Variants in TDRD15 observed in about 807,000 individuals in gnomAD.
TDRD15 encodes the protein tudor domain containing 15.
For synonymous variants in TDRD15, 503 were observed against 314.5 expected, an observed-to-expected ratio of 1.60 and a Z score of -6.34; for missense variants, 1,416 against 904.7, an observed-to-expected ratio of 1.57 and a Z score of -7.25.
chr2:21,130,532 C>T (rs939635933), intron 2 of TDRD15, among the ~76,000 whole-genome samples: 4 of 152,146 alleles, frequency 2.6e-5, no homozygotes, highest in African/African-American at 4.8e-5. Context: ...AATCTGAAGT[C>T]GAACCATCGT....
At chr2:21,134,401 A>T (rs1053120430) in intron 2 of TDRD15, among the ~76,000 whole-genome samples, 3 of 151,948 alleles carry the variant, frequency 2.0e-5, no homozygotes, top group Non-Finnish European at 2.9e-5. Context: ...TTGATTATTT[A>T]AGTTGTGGCT....
At chr2:21,124,407 G>C (rs1033837330) in intron 1 of TDRD15, among the ~76,000 whole-genome samples, 4 of 151,670 alleles carry the variant, frequency 2.6e-5, no homozygotes, top group Non-Finnish European at 4.4e-5. Context: ...CCTAATGCCA[G>C]GGTGTGTGAG....
At chr2:21,124,877 G>GAC in intron 1 of TDRD15, among the ~76,000 whole-genome samples, 1 of 150,516 alleles carries the variant, frequency 6.6e-6, no homozygotes, top group South Asian at 2.1e-4. Flanking sequence ...GTGTGTATGT[G>GAC]AGAAACCCTA....
rs1019475765 is a variant in TDRD15 at position 21,142,391 on chromosome 2, T to C, written c.4924T>C (p.Trp1642Arg). ...TCCTAGACAAGCTGTACCTTGTAAA[T>C]GGATTTGGTTTGAAAATTCTAAGAA... is the stretch of plus-strand genomic sequence containing the variant. ...NIPRQAVPCK[W>R]IWFENSKNIS... The change falls in exon 4 of 4, where the codon TGG becomes CGG. Residue 1642 changes from tryptophan to arginine, a missense_variant. Coordinates refer to ENST00000405799, the MANE Select transcript of TDRD15 (RefSeq NM_001306137.2). The C allele has an allele frequency of 1.4e-6, 1 of 704,836 alleles. No homozygotes were observed. Among genetic ancestry groups the C allele is most frequent in the African/African-American group, 1.8e-5 (1 of 56,500 alleles). The allele number at this position is 704,836 out of a possible 1,614,324, so 43.7% of individuals were successfully genotyped here.
Position 21,141,276 on chromosome 2 carries a change from C to T in TDRD15, c.3809C>T (p.Thr1270Ile), listed in dbSNP as rs1268825218. Residue 1270 changes from threonine to isoleucine, a missense_variant, in exon 4 of 4, where the codon ACA becomes ATA. Coordinates refer to ENST00000405799, the MANE Select transcript of TDRD15 (RefSeq NM_001306137.2). ...SQSFIRALNQ[T>I]TSQNPYDLIR... is the part of the protein sequence containing the mutation. ...TCTTTTATCAGAGCATTAAATCAAA[C>T]AACCTCACAAAACCCATATGACCTT... 1 of 711,528 alleles carries T rather than the reference C, an allele frequency of 1.4e-6. No individual in the cohort carries two copies. The highest frequency in any genetic ancestry group is 2.6e-6 in the Non-Finnish European group (1 of 382,880). The allele number at this position is 711,528 out of a possible 1,614,324, so 44.1% of individuals were successfully genotyped here. A position where few individuals can be genotyped will look rare whatever the true frequency, so the allele number is the denominator to read the frequency against.
chr2:21,141,588 A>G lies in TDRD15; in HGVS notation c.4121A>G (p.Glu1374Gly). 1.4e-6 allele frequency: 1 copy of G among 713,914 alleles called. No individual in the cohort carries two copies. The highest frequency in any genetic ancestry group is 2.6e-6 in the Non-Finnish European group (1 of 383,242). 44.2% of individuals were successfully genotyped at this position (713,914 alleles called of 1,614,324 possible). The change falls in exon 4 of 4, where the codon GAA becomes GGA. Residue 1374 changes from glutamate (E) to glycine (G), a missense_variant. Glu to Gly is a moderately conservative substitution (Grantham distance 98). Coordinates refer to ENST00000405799, the MANE Select transcript of TDRD15 (RefSeq NM_001306137.2). The stretch of plus-strand genomic sequence containing the variant: ...AAAATTTTGCCAGGAAATTCTTTTG[A>G]AGTAGAATTTATTGACTATGGTAAC... Reference protein sequence around the residue: ...IKKILPGNSFEVEFIDYGNSA... With the variant: ...IKKILPGNSFGVEFIDYGNSA...
chr2:21,142,421 T>C lies in TDRD15; in HGVS notation c.4954T>C (p.Ser1652Pro), dbSNP rs1385825193. ...WIWFENSKNI[S>P]FECLFADLEI... ...TTGGTTTGAAAATTCTAAGAACATA[T>C]CATTTGAGTGCTTATTTGCTGATTT... Residue 1652 changes from serine (S) to proline (P), a missense_variant, in exon 4 of 4, where the codon TCA (serine) becomes CCA (proline). Transcript: ENST00000405799. 3 of 710,230 alleles carry C rather than the reference T, an allele frequency of 4.2e-6. No homozygotes were observed. The highest frequency in any genetic ancestry group is 7.8e-6 in the Non-Finnish European group (3 of 382,182). 44.0% of individuals were successfully genotyped at this position (710,230 alleles called of 1,614,324 possible).
rs546069484 is a variant in TDRD15 at position 21,123,977 on chromosome 2, G to C, written c.-270G>C. 6.6e-6 allele frequency: 1 copy of C among 152,448 alleles called. No homozygotes were observed. The highest frequency in any genetic ancestry group is 2.4e-5 in the African/African-American group (1 of 41,590). The allele number at this position is 152,448 out of a possible 1,614,324, so 9.4% of individuals were successfully genotyped here. On this transcript the variant is annotated 5_prime_UTR_variant, in exon 1 of 4. Transcript: ENST00000405799. ...GGTGGGAACAGGGCCCGAGTCTCCC[G>C]CCATCTTGGGCCCTAGCGGTATTTT...
At chr2:21,146,474 A>G (rs561590780), downstream of TDRD15, among the ~76,000 whole-genome samples, 6 of 152,074 alleles carry the variant, frequency 3.9e-5, no homozygotes, top group Admixed American at 6.6e-5. Flanking sequence ...GTCTTTTTCC[A>G]GGGTGTTTTC....
chr2:21,136,476 C>G (rs1158432165), intron 3 of TDRD15, among the ~76,000 whole-genome samples: 1 of 151,936 alleles, frequency 6.6e-6, no homozygotes, highest in East Asian at 1.9e-4. Context: ...CTATTTCTTT[C>G]AGTACATCTA....
Position 21,143,294 on chromosome 2 carries a change from C to A in TDRD15, c.*22C>A, listed in dbSNP as rs1275602201. ...ATAAATTACAAAGTAAGCCTATTTTCCCATTGTTAGATCAAAATTGTTACA... is the reference window on the plus strand; with the variant it reads ...ATAAATTACAAAGTAAGCCTATTTTACCATTGTTAGATCAAAATTGTTACA... On this transcript the variant is annotated 3_prime_UTR_variant, in exon 4 of 4. Transcript: ENST00000405799. 1 of 529,812 alleles carries A rather than the reference C, an allele frequency of 1.9e-6. No individual in the cohort carries two copies. The highest frequency in any genetic ancestry group is 2.0e-5 in the African/African-American group (1 of 50,880). 32.8% of individuals were successfully genotyped at this position (529,812 alleles called of 1,614,324 possible).
chr2:21,134,249 A>C (rs1372280024), intron 2 of TDRD15, among the ~76,000 whole-genome samples: 1 of 151,808 alleles, frequency 6.6e-6, no homozygotes, highest in African/African-American at 2.4e-5. Context: ...TGTATTTTTT[A>C]TTTAGATTTA....
rs1035989151 is a variant in TDRD15 at position 21,137,569 on chromosome 2, A to G, written c.102A>G (p.Ile34Met). The change falls in exon 4 of 4, where the codon ATA becomes ATG. Residue 34 changes from isoleucine to methionine, a missense_variant. Transcript: ENST00000405799. ...ATATTCTGGTGAAATTTCAAGGCAT[A>G]AAGAGTAATGAATGTGAGTTTGACT... ...PKDILVKFQG[I>M]KSNECEFDYH... is the part of the protein sequence containing the mutation. 1 of 715,366 alleles carries G rather than the reference A, an allele frequency of 1.4e-6. No homozygotes were observed. The highest frequency in any genetic ancestry group is 1.8e-5 in the African/African-American group (1 of 57,140). The allele number at this position is 715,366 out of a possible 1,614,324, so 44.3% of individuals were successfully genotyped here. A position where few individuals can be genotyped will look rare whatever the true frequency, so the allele number is the denominator to read the frequency against.
chr2:21,138,667 A>G lies in TDRD15; in HGVS notation c.1200A>G (p.Thr400=). The change falls in exon 4 of 4, where the codon ACA becomes ACG. Residue 400 remains threonine, a synonymous_variant. Transcript: ENST00000405799. Reference sequence around the variant, plus strand: ...AGGATGAGTGTTTGTATTATGTGACATTACAAACTCAAGAGTCTACAGTTA... The same window carrying G: ...AGGATGAGTGTTTGTATTATGTGACGTTACAAACTCAAGAGTCTACAGTTA... ...FNKDECLYYV[T]LQTQESTVNS... is the part of the protein sequence containing the mutation. 1.4e-6 allele frequency: 1 copy of G among 715,488 alleles called. No homozygotes were observed. Among genetic ancestry groups the G allele is most frequent in the Middle Eastern group, 2.3e-4 (1 of 4,358 alleles). The allele number at this position is 715,488 out of a possible 1,614,324, so 44.3% of individuals were successfully genotyped here. A position where few individuals can be genotyped will look rare whatever the true frequency, so the allele number is the denominator to read the frequency against.
rs201022463 is a variant in TDRD15 at position 21,125,508 on chromosome 2, TGA to T, written c.-201+1472_-201+1473del. Among the ~76,000 whole-genome samples the T allele has an allele frequency of 2.5e-3, 385 of 151,614 alleles. 1 individual carries two copies. The highest frequency in any genetic ancestry group is 9.0e-3 in the African/African-American group (371 of 41,290). ...GAGTTGTTGCGTGTGTGTGTGTGCG[TGA>T]GAGAGAGAGTGAGTTAGTGTAGACC... On this transcript the variant is annotated intron_variant, in intron 1 of 3. Transcript: ENST00000405799.
In TDRD15 at chr2:21,141,498, T is replaced by C; in HGVS notation, c.4031T>C (p.Leu1344Pro). Residue 1344 changes from leucine (L) to proline (P), a missense_variant, in exon 4 of 4, where the codon CTA becomes CCA. Physicochemically the swap from Leu to Pro is moderately conservative, Grantham distance 98. Transcript: ENST00000405799. Reference sequence around the variant, plus strand: ...AGAGAGAGAAAATCAGTTAAACCTCTAGTGGGAGATCTTGTAGTTGCAGAA... The same window carrying C: ...AGAGAGAGAAAATCAGTTAAACCTCCAGTGGGAGATCTTGTAGTTGCAGAA... ...RLRERKSVKP[L>P]VGDLVVAEYS... 1 of 715,196 alleles carries C rather than the reference T, an allele frequency of 1.4e-6. No individual in the cohort carries two copies. The highest frequency in any genetic ancestry group is 2.6e-6 in the Non-Finnish European group (1 of 383,722). 44.3% of individuals were successfully genotyped at this position (715,196 alleles called of 1,614,324 possible).
At position 21,140,829 on chromosome 2, in the gene TDRD15, G is replaced by A; in HGVS notation, c.3362G>A (p.Gly1121Asp). The A allele has an allele frequency of 1.4e-6, 1 of 714,658 alleles. No homozygotes were observed. Among genetic ancestry groups the A allele is most frequent in the South Asian group, 1.5e-5 (1 of 67,240 alleles). The allele number at this position is 714,658 out of a possible 1,614,324, so 44.3% of individuals were successfully genotyped here. ...TCCCAGGAGTCAGATGGACAGCTTG[G>A]TATAGAATTGTATGATGGATCTCAA... ...ILSQESDGQL[G>D]IELYDGSQYI... Residue 1121 changes from glycine (G) to aspartate (D), a missense_variant, in exon 4 of 4, where the codon GGT becomes GAT. Gly to Asp is a moderately conservative substitution (Grantham distance 94, BLOSUM62 -1). Coordinates refer to ENST00000405799, the MANE Select transcript of TDRD15 (RefSeq NM_001306137.2).
rs1393244151 is a variant in TDRD15 at position 21,139,239 on chromosome 2, C to T, written c.1772C>T (p.Ala591Val). Reference sequence around the variant, plus strand: ...CTTCCAGAATTTTGTGAGTTGCCTGCCTTAGCGATGTGCTGTTCACTTGCA... The same window carrying T: ...CTTCCAGAATTTTGTGAGTTGCCTGTCTTAGCGATGTGCTGTTCACTTGCA... ...ILLPEFCELP[A>V]LAMCCSLAHI... is the part of the protein sequence containing the mutation. The change falls in exon 4 of 4, where the codon GCC (alanine) becomes GTC (valine). Residue 591 changes from alanine to valine, a missense_variant. By Grantham distance (64) the Ala-to-Val change is moderately conservative (BLOSUM62 0). Transcript: ENST00000405799. 1.4e-6 allele frequency: 1 copy of T among 715,716 alleles called. No individual in the cohort carries two copies. The highest frequency in any genetic ancestry group is 1.7e-5 in the African/African-American group (1 of 57,224). The allele number at this position is 715,716 out of a possible 1,614,324, so 44.3% of individuals were successfully genotyped here.
At chr2:21,144,852 A>G (rs933409900), downstream of TDRD15, among the ~76,000 whole-genome samples, 3 of 151,986 alleles carry the variant, frequency 2.0e-5, no homozygotes, top group Middle Eastern at 3.2e-3. Flanking sequence ...TCATGGAAAA[A>G]TTGGCTTACC....
Sources: allele counts gnomAD v4.1 joint callset (sites outside exome capture counted in the v4.1 genomes callset), GRCh38; gene constraint gnomAD v4.1.1; transcripts MANE v1.5; gene names NCBI Gene and HGNC (gene_info 2026-07-23, HGNC 2026-07-21).